Variants in TMEM80 observed in about 807,000 individuals in gnomAD.
The protein encoded by TMEM80 is transmembrane protein 80.
In TMEM80, 16 loss-of-function variants were observed where a neutral mutation model predicts 13.6. That is an observed-to-expected ratio of 1.17 (90% CI 0.79 to 1.78). The LOEUF (loss-of-function observed/expected upper bound fraction) is 1.78, where lower values mean the gene tolerates loss of function less well. Among genes scored for constraint, TMEM80 ranks in the 40% most tolerant of loss-of-function variants. The probability of loss-of-function intolerance (pLI) is 0.00; values close to 1 mark genes in which losing one functional copy is unlikely to be tolerated. For missense variants in TMEM80, 167 were observed against 184.6 expected, an observed-to-expected ratio of 0.90 and a Z score of 0.55; for synonymous variants, 92 against 89.5, an observed-to-expected ratio of 1.03 and a Z score of -0.16.
At position 703,398 on chromosome 11, in the gene TMEM80, T is replaced by A; in HGVS notation, c.*248T>A. Reference sequence around the variant, plus strand: ...GGACCAGACAGAACTGCCTTCAAGATGAGTCCCAGGAGCGCACACTCAGCC... The same window carrying A: ...GGACCAGACAGAACTGCCTTCAAGAAGAGTCCCAGGAGCGCACACTCAGCC... On this transcript the variant is annotated 3_prime_UTR_variant, in exon 5 of 5. Transcript: ENST00000397510. 7.3e-7 allele frequency: 1 copy of A among 1,362,734 alleles called. No homozygotes were observed. Among genetic ancestry groups the A allele is most frequent in the South Asian group, 2.0e-5 (1 of 49,728 alleles). 84.4% of individuals were successfully genotyped at this position (1,362,734 alleles called of 1,614,324 possible). A position where few individuals can be genotyped will look rare whatever the true frequency, so the allele number is the denominator to read the frequency against.
At chr11:704,788 A>G (rs1861646007), downstream of TMEM80, 6 of 570,502 alleles carry the variant, frequency 1.1e-5, 1 homozygote, top group Middle Eastern at 3.8e-4. Context: ...CAGGCTCCGC[A>G]CTCAAAATCG....
chr11:703,343 T>C lies in TMEM80; in HGVS notation c.*193T>C. The stretch of plus-strand genomic sequence containing the variant: ...GGGCAGAACAAACTGCTGGAGGCCC[T>C]GGTGTTGGGAACAGCTGCGGGGAGG... On this transcript the variant is annotated 3_prime_UTR_variant, in exon 5 of 5. Coordinates refer to ENST00000397510, the MANE Select transcript of TMEM80 (RefSeq NM_001042463.3). 7.1e-7 allele frequency: 1 copy of C among 1,399,044 alleles called. No homozygotes were observed. 86.7% of individuals were successfully genotyped at this position (1,399,044 alleles called of 1,614,324 possible).
At chr11:701,626 G>C (rs925164279) in intron 4 of TMEM80, among the ~76,000 whole-genome samples, 8 of 151,800 alleles carry the variant, frequency 5.3e-5, no homozygotes, top group Non-Finnish European at 1.2e-4. Context: ...AGCCAGGATG[G>C]TTTCCATCTC....
intron 4 of TMEM80, among the ~76,000 whole-genome samples, chr11:701,917 C>T (rs898365664): frequency 1.3e-5 from 2 of 152,204 alleles, no homozygotes; most frequent in African/African-American, 4.8e-5. Context: ...CTGTGGCCAG[C>T]GGGGTGCAGA....
At position 698,853 on chromosome 11, in the gene TMEM80, C is replaced by T. The variant is rs763188110; in HGVS notation, c.20-16C>T. The T allele has an allele frequency of 1.2e-6, 2 of 1,614,144 alleles. No individual in the cohort carries two copies. Among genetic ancestry groups the T allele is most frequent in the Non-Finnish European group, 1.7e-6 (2 of 1,180,016 alleles). ...GGTGGCTGTCAGGCCTTGCTCACGG[C>T]CCCTTTCTCTTTCAGGGAGAGGATC... On this transcript the variant is annotated splice_polypyrimidine_tract_variant and intron_variant, in intron 1 of 4. Coordinates refer to ENST00000397510, the MANE Select transcript of TMEM80 (RefSeq NM_001042463.3).
chr11:703,541 C>G lies in TMEM80; in HGVS notation c.*391C>G, dbSNP rs1184574033. ...GGCCTCATCTCACTGCATCCCCCAT[C>G]ACCCCCTAGTTCCCCAATGGTCCTA... On this transcript the variant is annotated 3_prime_UTR_variant, in exon 5 of 5. Transcript: ENST00000397510. The G allele has an allele frequency of 8.1e-7, 1 of 1,234,756 alleles. No individual in the cohort carries two copies. The highest frequency in any genetic ancestry group is 1.0e-6 in the Non-Finnish European group (1 of 990,080). 76.5% of individuals were successfully genotyped at this position (1,234,756 alleles called of 1,614,324 possible). A position where few individuals can be genotyped will look rare whatever the true frequency, so the allele number is the denominator to read the frequency against.
In TMEM80 at chr11:695,850, A is replaced by T. The variant is rs1371041906; in HGVS notation, c.19+4A>T. 4.1e-6 allele frequency: 5 copies of T among 1,228,498 alleles called. No homozygotes were observed. In the South Asian group the frequency reaches 2.0e-4, roughly 50 times the overall value. The allele number at this position is 1,228,498 out of a possible 1,614,324, so 76.1% of individuals were successfully genotyped here. ...AAGATGGCGGCCCCGCGGCGAGGTG[A>T]GCTCGGGCGGGGTGGGGGCTTCCGG... On this transcript the variant is annotated splice_donor_region_variant and intron_variant, in intron 1 of 4. Transcript: ENST00000397510.
intron 1 of TMEM80, among the ~76,000 whole-genome samples, chr11:696,452 C>G (rs949332971): frequency 6.6e-6 from 1 of 152,152 alleles, no homozygotes; most frequent in African/African-American, 2.4e-5. Context: ...CCTCTAGTAA[C>G]CAGGTTTGTT....
chr11:701,941 G>C (rs1214276966), intron 4 of TMEM80, among the ~76,000 whole-genome samples: 1 of 152,202 alleles, frequency 6.6e-6, no homozygotes, highest in African/African-American at 2.4e-5. Context: ...CCAGCCCTCT[G>C]CGTGCTCATG....
At position 703,175 on chromosome 11, in the gene TMEM80, A is replaced by G. The variant is rs7107522; in HGVS notation, c.*25A>G. 256,026 of 1,582,374 alleles carry G rather than the reference A, an allele frequency of 0.16. 21,905 individuals carry two copies. The highest frequency in any genetic ancestry group is 0.27 in the African/African-American group (20,026 of 74,386). ...GCTACGGACACCCGGGATACCCCAC[A>G]CTGGGGCCCTCCTCCTGGGCCTGAC... On this transcript the variant is annotated 3_prime_UTR_variant, in exon 5 of 5. Transcript: ENST00000397510.
At chr11:695,690 G>T, upstream of TMEM80, 1 of 1,243,308 alleles carries the variant, frequency 8.0e-7, no homozygotes, top group Non-Finnish European at 1.0e-6. Context: ...GGCCTCGGCC[G>T]TGGCTCGGAC....
At chr11:702,005 G>T (rs551294441) in intron 4 of TMEM80, among the ~76,000 whole-genome samples, 1 of 152,282 alleles carries the variant, frequency 6.6e-6, no homozygotes, top group South Asian at 2.1e-4. Context: ...TCCTGCCGTG[G>T]GGAACGCAAT....
At chr11:695,808 C>A (rs1590029945), upstream of TMEM80, 4 of 1,232,810 alleles carry the variant, frequency 3.2e-6, no homozygotes, top group East Asian at 6.3e-5. Context: ...CGCGACGGAC[C>A]GGCGGGCGGG....
chr11:704,203 C>G (rs186717118), downstream of TMEM80: 42 of 1,011,780 alleles, frequency 4.2e-5, no homozygotes, highest in East Asian at 2.7e-3. Context: ...ACCCCACTTG[C>G]CAGCTGGTCA....
At chr11:699,229 T>C (rs1861336471) in intron 2 of TMEM80, 1 of 369,374 alleles carries the variant, frequency 2.7e-6, no homozygotes, top group African/African-American at 2.0e-5. Context: ...TTTTTGTTTG[T>C]TTATGTTTTT....
At chr11:704,235 C>T (rs1033766126), downstream of TMEM80, 19 of 854,350 alleles carry the variant, frequency 2.2e-5, no homozygotes, top group African/African-American at 3.6e-5. Context: ...GCCTCGCCCT[C>T]GGGCCCTGGC....
intron 4 of TMEM80, among the ~76,000 whole-genome samples, chr11:701,568 G>T (rs998124284): frequency 5.9e-5 from 9 of 151,980 alleles, no homozygotes; most frequent in Non-Finnish European, 5.9e-5. Flanking sequence ...CCGCCACCAC[G>T]CCCGGCTCAT....
upstream of TMEM80, chr11:695,739 C>G: frequency 8.1e-7 from 1 of 1,240,368 alleles, no homozygotes; most frequent in Non-Finnish European, 1.0e-6. Context: ...GCCCCTTCGT[C>G]AGGAGACGCG....
At chr11:700,006 G>A (rs1861371161) in intron 2 of TMEM80, 136 bp from the exon 3 acceptor site, 3 of 661,042 alleles carry the variant, frequency 4.5e-6, no homozygotes, top group Non-Finnish European at 8.0e-6. Context: ...GATAGGCAGT[G>A]AGCCATTGCC....
Sources: gnomAD v4.1 joint callset for allele counts (sites outside exome capture counted in the v4.1 genomes callset) on GRCh38, gnomAD v4.1.1 for gene constraint, MANE v1.5 for transcripts, NCBI Gene and HGNC (gene_info 2026-07-23, HGNC 2026-07-21) for gene names.